Variants in LMO1 observed in about 807,000 individuals in gnomAD.
LMO1 encodes the protein rhombotin-1.
In LMO1, 10 loss-of-function variants were observed where a neutral mutation model predicts 18.0. That is an observed-to-expected ratio of 0.55 (90% confidence interval 0.34 to 0.94). The LOEUF is 0.94. LMO1 is among the 40% of genes least tolerant of loss of function. LMO1 has a pLI of 0.02. For missense variants in LMO1, 183 were observed against 205.7 expected (o/e 0.89, Z 0.68); for synonymous variants, 77 against 77.9 (o/e 0.99, Z 0.06).
intron 1 of LMO1, 112 bp from the exon 2 acceptor site, chr11:8,230,616 G>T: frequency 8.8e-7 from 1 of 1,142,614 alleles, no homozygotes; most frequent in Non-Finnish European, 1.3e-6. Flanking sequence ...CCCCCTCTAG[G>T]TTTGGGGCTC....
intron 1 of LMO1, among the ~76,000 whole-genome samples, chr11:8,235,498 C>T (rs755137652): frequency 1.3e-5 from 2 of 152,196 alleles, no homozygotes; most frequent in Non-Finnish European, 2.9e-5. Flanking sequence ...TTATCATTGA[C>T]ATAACATTAT....
upstream of LMO1, among the ~76,000 whole-genome samples, chr11:8,264,672 C>T (rs1847243190): frequency 1.3e-5 from 2 of 152,004 alleles, no homozygotes; most frequent in South Asian, 4.1e-4. Context: ...TGCTCTGTTG[C>T]CCAGGCTGGA....
rs916103769 is a variant in LMO1 at position 8,244,244 on chromosome 11, G to A, written c.26-13740C>T. 2.0e-5 allele frequency among the ~76,000 whole-genome samples: 3 copies of A among 152,198 alleles called. No individual in the cohort carries two copies. In the South Asian group the frequency reaches 6.2e-4, roughly 31 times the overall value. On this transcript the variant is annotated intron_variant, in intron 1 of 3. Coordinates refer to ENST00000335790, the MANE Select transcript of LMO1 (RefSeq NM_002315.3). ...ACTCCCCAGCCCCTCCTAGCCCCCA[G>A]CTTGGGAGTGGGCTGCTGGCTTTGC...
intron 1 of LMO1, among the ~76,000 whole-genome samples, chr11:8,262,555 C>G (rs1329432334): frequency 6.6e-6 from 1 of 152,206 alleles, no homozygotes; most frequent in Non-Finnish European, 1.5e-5. Flanking sequence ...CTCCTCTGTT[C>G]CGACCTTTCC....
At chr11:8,247,208 C>T (rs1025655357) in intron 1 of LMO1, among the ~76,000 whole-genome samples, 7 of 152,178 alleles carry the variant, frequency 4.6e-5, no homozygotes, top group Non-Finnish European at 7.3e-5. Flanking sequence ...TTGGACACCA[C>T]GAGTACATAA....
intron 1 of LMO1, among the ~76,000 whole-genome samples, chr11:8,258,359 C>A (rs1274468542): frequency 6.6e-6 from 1 of 152,202 alleles, no homozygotes; most frequent in East Asian, 1.9e-4. Flanking sequence ...TAGACCCCAA[C>A]GTGGCTCAAG....
At chr11:8,242,938 C>A (rs1048854640) in intron 1 of LMO1, among the ~76,000 whole-genome samples, 2 of 152,228 alleles carry the variant, frequency 1.3e-5, no homozygotes, top group South Asian at 4.1e-4. Flanking sequence ...TAAATGTGTT[C>A]TCCAGGCACA....
chr11:8,240,568 A>G (rs1158471697), intron 1 of LMO1, among the ~76,000 whole-genome samples: 1 of 152,130 alleles, frequency 6.6e-6, no homozygotes, highest in Non-Finnish European at 1.5e-5. Context: ...CAAGGCACCA[A>G]CAGATTCTGT....
At position 8,242,922 on chromosome 11, in the gene LMO1, A is replaced by G. The variant is rs57960938; in HGVS notation, c.26-12418T>C. Reference sequence around the variant, plus strand: ...CCCTTCAAAATCAATTTTGAATTCAAACTTTTAAATGTGTTCTCCAGGCAC... The same window carrying G: ...CCCTTCAAAATCAATTTTGAATTCAGACTTTTAAATGTGTTCTCCAGGCAC... On this transcript the variant is annotated intron_variant, in intron 1 of 3. Transcript: ENST00000335790. 2.4e-3 allele frequency among the ~76,000 whole-genome samples: 362 copies of G among 152,294 alleles called. 1 individual carries two copies. The highest frequency in any genetic ancestry group is 8.4e-3 in the African/African-American group (349 of 41,554).
In LMO1 at chr11:8,224,542, T is replaced by A. The variant is rs547676112; in HGVS notation, c.*74A>T. ...GGCTGGCCAGCCTGCACTGGTAGAG[T>A]GGCTGGCTGGCCGGCCAGGCAGGTG... On this transcript the variant is annotated 3_prime_UTR_variant, in exon 4 of 4. Coordinates refer to ENST00000335790, the MANE Select transcript of LMO1 (RefSeq NM_002315.3). The A allele has an allele frequency of 1.0e-3, 893 of 863,756 alleles. 2 individuals carry two copies. The highest frequency in any genetic ancestry group is 1.4e-3 in the Non-Finnish European group (731 of 536,856). The allele number at this position is 863,756 out of a possible 1,614,324, so 53.5% of individuals were successfully genotyped here. A position where few individuals can be genotyped will look rare whatever the true frequency, so the allele number is the denominator to read the frequency against.
At chr11:8,235,696 T>C (rs565561746) in intron 1 of LMO1, among the ~76,000 whole-genome samples, 1 of 152,344 alleles carries the variant, frequency 6.6e-6, no homozygotes, top group Admixed American at 6.5e-5. Context: ...AGTCATTTCA[T>C]GGAATATCTC....
chr11:8,250,920 G>A (rs184541119), intron 1 of LMO1, among the ~76,000 whole-genome samples: 1 of 152,136 alleles, frequency 6.6e-6, no homozygotes. Context: ...CTGCTCCAGG[G>A]GTCCCCTCTA....
At position 8,226,989 on chromosome 11, in the gene LMO1, CT is replaced by C; in HGVS notation, c.350del (p.Gln117ArgfsTer15). Reference sequence around the variant, plus strand: ...CCAGCACTGACCTCTGGTTGCAGAGCTGGCAGGCGAAGCAGTCGAGGTGATA... The same window carrying C: ...CCAGCACTGACCTCTGGTTGCAGAGCGGCAGGCGAAGCAGTCGAGGTGATA... ...NVYHLDCFAC[Q>X]LCNQRFCVGD... On this transcript the variant is annotated frameshift_variant, in exon 3 of 4. Coordinates refer to ENST00000335790, the MANE Select transcript of LMO1 (RefSeq NM_002315.3). LOFTEE classifies it high-confidence loss of function. The C allele has an allele frequency of 1.9e-6, 3 of 1,613,096 alleles. No individual in the cohort carries two copies. Among genetic ancestry groups the C allele is most frequent in the Non-Finnish European group, 2.5e-6 (3 of 1,179,640 alleles).
chr11:8,243,320 G>A (rs1307175350), intron 1 of LMO1, among the ~76,000 whole-genome samples: 1 of 152,204 alleles, frequency 6.6e-6, no homozygotes, highest in Non-Finnish European at 1.5e-5. Flanking sequence ...GGGAGCATCC[G>A]TAGATGAAGC....
chr11:8,267,690 C>T (rs1231271194), upstream of LMO1, among the ~76,000 whole-genome samples: 1 of 152,218 alleles, frequency 6.6e-6, no homozygotes, highest in Non-Finnish European at 1.5e-5. Flanking sequence ...CCACCAAGGA[C>T]CTGGCAGCTG....
At chr11:8,225,705 T>C (rs575751049) in intron 3 of LMO1, among the ~76,000 whole-genome samples, 4 of 152,258 alleles carry the variant, frequency 2.6e-5, no homozygotes, top group Admixed American at 6.5e-5. Flanking sequence ...AAGCCTTTAG[T>C]GAGACCCCAA....
chr11:8,261,879 C>T (rs1196032935), intron 1 of LMO1, among the ~76,000 whole-genome samples: 2 of 152,080 alleles, frequency 1.3e-5, no homozygotes, highest in Non-Finnish European at 2.9e-5. Context: ...AAGATGATGT[C>T]CCACCCCAGC....
At chr11:8,231,788 T>A (rs1952667229) in intron 1 of LMO1, among the ~76,000 whole-genome samples, 1 of 151,814 alleles carries the variant, frequency 6.6e-6, no homozygotes, top group African/African-American at 2.4e-5. Flanking sequence ...CTGGTGTCCC[T>A]CCCATTCCCA....
intron 1 of LMO1, among the ~76,000 whole-genome samples, chr11:8,253,002 G>T (rs1047542199): frequency 1.3e-5 from 2 of 152,244 alleles, no homozygotes; most frequent in Non-Finnish European, 2.9e-5. Flanking sequence ...CCATTGAGAG[G>T]GGGCCCTGCA....
Sources: allele counts gnomAD v4.1 joint callset (sites outside exome capture counted in the v4.1 genomes callset), GRCh38; gene constraint gnomAD v4.1.1; transcripts MANE v1.5; gene names NCBI Gene and HGNC (gene_info 2026-07-23, HGNC 2026-07-21).